KLHL1: variants seen among roughly 807,000 people sequenced by gnomAD.
The protein encoded by KLHL1 is kelch like family member 1.
A neutral mutation model predicts 77.7 loss-of-function variants in KLHL1; 47 were observed. The ratio of observed to expected loss-of-function variants is 0.60; its 90% CI spans 0.48 to 0.77. The LOEUF (loss-of-function observed/expected upper bound fraction) is 0.77. Among genes scored for constraint, KLHL1 ranks in the 30% least tolerant of loss-of-function variants. The probability of loss-of-function intolerance (pLI) is 0.00; values close to 1 mark genes in which losing one functional copy is unlikely to be tolerated. For missense variants in KLHL1, 925 were observed against 910.8 expected, an observed-to-expected ratio of 1.02 and a Z score of -0.20; for synonymous variants, 360 against 325.2, an observed-to-expected ratio of 1.11 and a Z score of -1.15.
intron 1 of KLHL1, among the ~76,000 whole-genome samples, chr13:69,985,374 G>A (rs1160848300): frequency 6.6e-6 from 1 of 151,818 alleles, no homozygotes; most frequent in Non-Finnish European, 1.5e-5. Flanking sequence ...ATAGATATAT[G>A]AAGAAAAATG....
chr13:69,715,222 C>A (rs575577749), intron 9 of KLHL1, among the ~76,000 whole-genome samples: 1 of 152,242 alleles, frequency 6.6e-6, no homozygotes, highest in South Asian at 2.1e-4. Context: ...GTGTCCCCAC[C>A]CAAATTTCAT....
intron 7 of KLHL1, among the ~76,000 whole-genome samples, chr13:69,790,792 G>C (rs1006353352): frequency 6.6e-6 from 1 of 152,120 alleles, no homozygotes; most frequent in African/African-American, 2.4e-5. Flanking sequence ...GCTCACGCTT[G>C]TAATCCCAGC....
chr13:69,851,973 G>A (rs1879707936), intron 5 of KLHL1, among the ~76,000 whole-genome samples: 2 of 151,810 alleles, frequency 1.3e-5, no homozygotes, highest in South Asian at 4.1e-4. Flanking sequence ...TAGCTAAATG[G>A]GGTCTTAAAT....
intron 4 of KLHL1, among the ~76,000 whole-genome samples, chr13:69,904,040 A>G (rs1881967083): frequency 1.3e-5 from 2 of 152,050 alleles, no homozygotes; most frequent in South Asian, 4.1e-4. Context: ...AGTAAAATAA[A>G]TTTAACCTAT....
At chr13:69,920,273 G>C (rs1593950420) in intron 4 of KLHL1, among the ~76,000 whole-genome samples, 1 of 152,046 alleles carries the variant, frequency 6.6e-6, no homozygotes, top group African/African-American at 2.4e-5. Flanking sequence ...TTGGAAAACA[G>C]TATATGATTA....
chr13:69,878,171 A>T (rs1172376872), intron 5 of KLHL1, among the ~76,000 whole-genome samples: 16 of 152,222 alleles, frequency 1.1e-4, no homozygotes, highest in Admixed American at 1.0e-3. Flanking sequence ...TTTACTAAAT[A>T]CAATCATAGC....
chr13:69,733,203 T>G (rs1443676603), intron 8 of KLHL1, among the ~76,000 whole-genome samples: 1 of 151,776 alleles, frequency 6.6e-6, no homozygotes, highest in African/African-American at 2.4e-5. Flanking sequence ...GAATAAAAGT[T>G]TGGGTTATAC....
chr13:69,761,853 GAT>G (rs1278844141), intron 7 of KLHL1, among the ~76,000 whole-genome samples: 1 of 152,114 alleles, frequency 6.6e-6, no homozygotes, highest in Non-Finnish European at 1.5e-5. Flanking sequence ...TCATGGAATA[GAT>G]AAAATGATCC....
intron 1 of KLHL1, among the ~76,000 whole-genome samples, chr13:70,061,096 G>A (rs1473264931): frequency 6.6e-6 from 1 of 151,992 alleles, no homozygotes; most frequent in Non-Finnish European, 1.5e-5. Context: ...CTGGGGGAGG[G>A]AGAAGTGAGG....
chr13:69,867,864 AG>A (rs1466512301), intron 5 of KLHL1, among the ~76,000 whole-genome samples: 50 of 85,450 alleles, frequency 5.9e-4, no homozygotes, highest in South Asian at 9.6e-4. Context: ...GGGTGGGGGG[AG>A]GGGGGAGGGA....
chr13:69,865,786 G>A (rs1880345997), intron 5 of KLHL1, among the ~76,000 whole-genome samples: 1 of 152,038 alleles, frequency 6.6e-6, no homozygotes, highest in Admixed American at 6.6e-5. Flanking sequence ...CATTGTTACT[G>A]GACATGGAAT....
intron 7 of KLHL1, among the ~76,000 whole-genome samples, chr13:69,747,304 T>C (rs9564600): frequency 0.43 from 64,864 of 151,774 alleles, 14,149 homozygotes; most frequent in African/African-American, 0.47. Flanking sequence ...ATATAATCTA[T>C]TGTATTGATT....
Position 70,001,366 on chromosome 13 carries a change from GA to G in KLHL1, c.498-25565del, listed in dbSNP as rs553106250. On this transcript the variant is annotated intron_variant, in intron 1 of 10. Transcript: ENST00000377844. ...TGTTATATGAATTATCCTCATTAAA[GA>G]AAAAAAATAGAAGTATTTCCACCTC... Among the ~76,000 whole-genome samples, 48 of 150,564 alleles carry G rather than the reference GA, an allele frequency of 3.2e-4. No individual in the cohort carries two copies. In the East Asian group the frequency reaches 5.7e-3, roughly 18 times the overall value.
At chr13:69,931,392 T>TATC (rs1448063122) in intron 4 of KLHL1, among the ~76,000 whole-genome samples, 9 of 151,916 alleles carry the variant, frequency 5.9e-5, no homozygotes, top group African/African-American at 1.9e-4. Flanking sequence ...GAAGTTTCCC[T>TATC]ATCATCACAT....
Position 69,740,531 on chromosome 13 carries a change from A to C in KLHL1, c.1665T>G (p.Ile555Met), listed in dbSNP as rs143112784. 65 of 1,611,908 alleles carry C rather than the reference A, an allele frequency of 4.0e-5. No homozygotes were observed. In the African/African-American group the frequency reaches 8.3e-4, roughly 21 times the overall value. The change falls in exon 8 of 11, where the codon ATT (isoleucine) becomes ATG (methionine). Residue 555 changes from isoleucine to methionine, a missense_variant. By Grantham distance (10) the Ile-to-Met change is conservative. Coordinates refer to ENST00000377844, the MANE Select transcript of KLHL1 (RefSeq NM_020866.3). ...AGCCATCATGGCCTCCCACAGCATA[A>C]ATAGGGCCTTCAAGTACTGTTACAC... Reference protein sequence around the residue: ...GLGVTVLEGPIYAVGGHDGWS... With the variant: ...GLGVTVLEGPMYAVGGHDGWS...
At chr13:69,986,867 A>G (rs1187383319) in intron 1 of KLHL1, among the ~76,000 whole-genome samples, 5 of 151,980 alleles carry the variant, frequency 3.3e-5, no homozygotes, top group Non-Finnish European at 7.4e-5. Context: ...GTAAATATTA[A>G]TATTCAAAAT....
At chr13:69,856,061 G>C (rs1279240113) in intron 5 of KLHL1, among the ~76,000 whole-genome samples, 1 of 150,888 alleles carries the variant, frequency 6.6e-6, no homozygotes, top group Non-Finnish European at 1.5e-5. Context: ...TCTCTGCCCA[G>C]TTTGTGAGCA....
intron 7 of KLHL1, among the ~76,000 whole-genome samples, chr13:69,740,892 A>C (rs374809595): frequency 3.3e-5 from 5 of 152,240 alleles, no homozygotes; most frequent in African/African-American, 1.2e-4. Context: ...AATAATACTA[A>C]TTCCCATATT....
At chr13:69,926,946 CAAAAAAAAA>C (rs71116960) in intron 4 of KLHL1, among the ~76,000 whole-genome samples, 1 of 36,034 alleles carries the variant, frequency 2.8e-5, no homozygotes, top group Non-Finnish European at 4.4e-5. Context: ...GACTCCATCT[CAAAAAAAAA>C]AAAAAAAAAA....
Sources: allele counts gnomAD v4.1 joint callset (sites outside exome capture counted in the v4.1 genomes callset), GRCh38; gene constraint gnomAD v4.1.1; transcripts MANE v1.5; gene names NCBI Gene and HGNC (gene_info 2026-07-23, HGNC 2026-07-21).